The following SFSWAP variants were observed in gnomAD, a reference collection of about 807,000 sequenced individuals.
SFSWAP encodes the protein splicing factor SWAP.
A neutral mutation model predicts 100.7 loss-of-function variants in SFSWAP; 17 were observed. The observed-to-expected ratio is 0.17, with a 90% CI of 0.12 to 0.25. The LOEUF is 0.25. SFSWAP is among the 10% of genes least tolerant of loss of function. SFSWAP has a pLI of 1.00. For missense variants in SFSWAP, 1,005 were observed against 1,262.6 expected (o/e 0.80, Z 3.09); for synonymous variants, 504 against 510.1 (o/e 0.99, Z 0.16).
intron 11 of SFSWAP, among the ~76,000 whole-genome samples, chr12:131,763,032 T>C (rs1882807230): frequency 6.6e-6 from 1 of 152,210 alleles, no homozygotes. Context: ...TTTGATGTTA[T>C]AAAATACTGC....
chr12:131,713,994 A>G (rs1006813832), intron 1 of SFSWAP, 77 bp from the exon 2 acceptor site: 9 of 965,546 alleles, frequency 9.3e-6, no homozygotes, highest in African/African-American at 1.6e-5. Flanking sequence ...ATATATATAT[A>G]CATATATAAA....
rs55709935 is a variant in SFSWAP at position 131,748,218 on chromosome 12, C to CTTT, written c.1082-4892_1082-4890dup. Among the ~76,000 whole-genome samples, 181 of 143,612 alleles carry CTTT rather than the reference C, an allele frequency of 1.3e-3. 1 individual carries two copies. Among genetic ancestry groups the CTTT allele is most frequent in the East Asian group, 2.6e-3 (13 of 4,938 alleles). 94.2% of individuals were successfully genotyped at this position (143,612 alleles called of 152,430 possible). A position where few individuals can be genotyped will look rare whatever the true frequency, so the allele number is the denominator to read the frequency against. ...CATAGAACTCTTAACTATTTTAATT[C>CTTT]TTTTTTTTTTTTTTTGAGACAGTCT... On this transcript the variant is annotated intron_variant, in intron 7 of 17. Coordinates refer to ENST00000261674, the MANE Select transcript of SFSWAP (RefSeq NM_004592.4).
intron 7 of SFSWAP, among the ~76,000 whole-genome samples, chr12:131,735,700 G>A (rs978354908): frequency 2.0e-5 from 3 of 152,236 alleles, no homozygotes; most frequent in East Asian, 3.8e-4. Flanking sequence ...TGAGCTGCAC[G>A]CAGCGAGCAG....
intron 13 of SFSWAP, among the ~76,000 whole-genome samples, chr12:131,771,165 C>T (rs1267416863): frequency 1.3e-5 from 2 of 152,114 alleles, no homozygotes; most frequent in African/African-American, 4.8e-5. Flanking sequence ...GGGATCATAC[C>T]CTACATATTT....
In SFSWAP at chr12:131,754,401, G is replaced by A. The variant is rs200847126; in HGVS notation, c.1356G>A (p.Pro452=). The change falls in exon 9 of 18, where the codon CCG becomes CCA. Residue 452 remains proline (P), a synonymous_variant. Transcript: ENST00000261674. ...ALAPVAAIIP[P]PPDVQPVIDK... ...CCCCCGTGGCCGCCATCATCCCCCC[G>A]CCCCCCGACGTCCAGCCCGTGATTG... The A allele has an allele frequency of 2.9e-4, 453 of 1,563,714 alleles. 1 individual carries two copies. Among genetic ancestry groups the A allele is most frequent in the Admixed American group, 4.1e-4 (21 of 51,838 alleles).
intron 15 of SFSWAP, among the ~76,000 whole-genome samples, chr12:131,790,538 A>T (rs764340584): frequency 1.2e-4 from 18 of 152,228 alleles, no homozygotes; most frequent in Non-Finnish European, 2.2e-4. Flanking sequence ...AATGGCGGGC[A>T]CCTACAGCCG....
chr12:131,722,275 C>T (rs992716120), intron 4 of SFSWAP, among the ~76,000 whole-genome samples: 15 of 152,106 alleles, frequency 9.9e-5, no homozygotes, highest in African/African-American at 3.6e-4. Flanking sequence ...AATTACAGCA[C>T]CCCAGGCTGG....
chr12:131,770,298 G>C (rs1447162720), intron 13 of SFSWAP, among the ~76,000 whole-genome samples: 1 of 152,340 alleles, frequency 6.6e-6, no homozygotes, highest in East Asian at 1.9e-4. Context: ...CACGCCCTGG[G>C]TGAGGAAGCC....
intron 16 of SFSWAP, 116 bp downstream of exon 16, chr12:131,797,476 C>A: frequency 1.0e-6 from 1 of 994,194 alleles, no homozygotes; most frequent in Non-Finnish European, 1.4e-6. Flanking sequence ...CAGGGGGCGC[C>A]AGCCACAAAG....
chr12:131,714,971 T>C lies in SFSWAP; in HGVS notation c.520+18T>C, dbSNP rs866164139. The C allele has an allele frequency of 3.1e-6, 5 of 1,613,396 alleles. No individual in the cohort carries two copies. The Middle Eastern group carries it at 8.9e-4, about 287-fold the overall frequency. On this transcript the variant is annotated intron_variant, in intron 3 of 17. Coordinates refer to ENST00000261674, the MANE Select transcript of SFSWAP (RefSeq NM_004592.4). This position sits in a 1 kb window ranked among gnomAD's most constrained non-coding sequence, Gnocchi z 6.0. The stretch of plus-strand genomic sequence containing the variant: ...ACAGAGAGGTGAGTGGGGAGCTGCC[T>C]GGACTGCTGGTGTAGGGCTACACGT...
At chr12:131,788,642 C>G (rs1885053561) in intron 15 of SFSWAP, among the ~76,000 whole-genome samples, 3 of 151,890 alleles carry the variant, frequency 2.0e-5, no homozygotes, top group Non-Finnish European at 1.5e-5. Context: ...CCTCCCACCT[C>G]AGCCTCCTGA....
In SFSWAP at chr12:131,753,162, C is replaced by T. The variant is rs1240845861; in HGVS notation, c.1121C>T (p.Pro374Leu). ...AAMYYSYYML[P>L]DGTYCLAPPP... ...ATGTATTACAGCTACTACATGCTAC[C>T]GGACGGCACTTACTGCCTGGCGCCG... The change falls in exon 8 of 18, where the codon CCG becomes CTG. Residue 374 changes from proline to leucine, a missense_variant. Coordinates refer to ENST00000261674, the MANE Select transcript of SFSWAP (RefSeq NM_004592.4). The T allele has an allele frequency of 9.9e-6, 16 of 1,614,012 alleles. No homozygotes were observed. The highest frequency in any genetic ancestry group is 2.2e-5 in the South Asian group (2 of 91,082).
chr12:131,743,227 C>T (rs1025735100), intron 7 of SFSWAP, among the ~76,000 whole-genome samples: 1 of 152,206 alleles, frequency 6.6e-6, no homozygotes, highest in African/African-American at 2.4e-5. Context: ...TCCCAGCAGT[C>T]CCCCAAAGTC....
At chr12:131,789,218 G>T (rs1254448232) in intron 15 of SFSWAP, among the ~76,000 whole-genome samples, 2 of 152,160 alleles carry the variant, frequency 1.3e-5, no homozygotes, top group Non-Finnish European at 2.9e-5. Flanking sequence ...CTGAGCTCAA[G>T]CAGTCTGCCT....
At chr12:131,763,390 G>A (rs1413427349) in intron 11 of SFSWAP, among the ~76,000 whole-genome samples, 4 of 152,052 alleles carry the variant, frequency 2.6e-5, no homozygotes, top group Non-Finnish European at 5.9e-5. Flanking sequence ...ACAACTGATG[G>A]TTTTTTAAAA....
In SFSWAP at chr12:131,778,347, C is replaced by G. The variant is rs1372194026; in HGVS notation, c.2408+17C>G. Reference sequence around the variant, plus strand: ...GCGGTCGAGGTGGGTGTGAAGGGGGCAGCACCTCTGGTACCCTCATGACCC... The same window carrying G: ...GCGGTCGAGGTGGGTGTGAAGGGGGGAGCACCTCTGGTACCCTCATGACCC... On this transcript the variant is annotated intron_variant, in intron 14 of 17. Transcript: ENST00000261674. The surrounding 1 kb of genome is among the most constrained non-coding windows in gnomAD (Gnocchi z 4.2). 1 of 1,607,596 alleles carries G rather than the reference C, an allele frequency of 6.2e-7. No individual in the cohort carries two copies. The highest frequency in any genetic ancestry group is 8.5e-7 in the Non-Finnish European group (1 of 1,176,378).
Position 131,714,604 on chromosome 12 carries a change from C to T in SFSWAP, c.389-218C>T. On this transcript the variant is annotated intron_variant, in intron 2 of 17. Transcript: ENST00000261674. This position sits in a 1 kb window ranked among gnomAD's most constrained non-coding sequence, Gnocchi z 6.0. ...ATTTTCTCAGCAGGAAGAAATTTTCCACAAAAGACGTGTATTCAGCTGTCT... is the reference window on the plus strand; with the variant it reads ...ATTTTCTCAGCAGGAAGAAATTTTCTACAAAAGACGTGTATTCAGCTGTCT... 1.9e-6 allele frequency: 1 copy of T among 537,708 alleles called. No individual in the cohort carries two copies. Among genetic ancestry groups the T allele is most frequent in the Non-Finnish European group, 3.3e-6 (1 of 306,830 alleles). The allele number at this position is 537,708 out of a possible 1,614,324, so 33.3% of individuals were successfully genotyped here.
Position 131,753,270 on chromosome 12 carries a change from C to T in SFSWAP, c.1229C>T (p.Thr410Ile). 6.2e-7 allele frequency: 1 copy of T among 1,614,074 alleles called. No individual in the cohort carries two copies. Among genetic ancestry groups the T allele is most frequent in the Non-Finnish European group, 8.5e-7 (1 of 1,179,918 alleles). Residue 410 changes from threonine (T) to isoleucine (I), a missense_variant, in exon 8 of 18, where the codon ACC becomes ATC. Coordinates refer to ENST00000261674, the MANE Select transcript of SFSWAP (RefSeq NM_004592.4). ...GTGTCTAACTCCCCTGGAGTGACGA[C>T]CACCGCCCCACCACCTCCTGGGACC... ...VTVSNSPGVT[T>I]TAPPPPGTTP...
chr12:131,790,492 T>C (rs1258904372), intron 15 of SFSWAP, among the ~76,000 whole-genome samples: 1 of 152,212 alleles, frequency 6.6e-6, no homozygotes, highest in African/African-American at 2.4e-5. Flanking sequence ...GAAAGTTATT[T>C]TGAGTATGTC....
Sources: gnomAD v4.1 joint callset for allele counts (sites outside exome capture counted in the v4.1 genomes callset) on GRCh38, gnomAD v4.1.1 for gene constraint, Gnocchi (gnomAD v3.1) non-coding constraint, MANE v1.5 for transcripts, NCBI Gene and HGNC (gene_info 2026-07-23, HGNC 2026-07-21) for gene names.